The following MYO1F variants were observed in gnomAD, a reference collection of about 807,000 sequenced individuals.
The protein encoded by MYO1F is unconventional myosin-If.
Under a neutral mutation model 146.6 loss-of-function variants are expected in MYO1F, and 60 were observed. The observed-to-expected ratio is 0.41, with a 90% CI of 0.33 to 0.51. The LOEUF is 0.51. MYO1F is among the 20% of genes least tolerant of loss of function. The pLI is 0.25. For missense variants in MYO1F, 1,274 were observed against 1,534.3 expected, an observed-to-expected ratio of 0.83 and a Z score of 2.83; for synonymous variants, 602 against 602.1, an observed-to-expected ratio of 1.00 and a Z score of 0.00.
At position 8,540,065 on chromosome 19, in the gene MYO1F, G is replaced by T. The variant is rs776267777; in HGVS notation, c.1611-37C>A. ...AGGGGAGAGGAGGAGTTGGAGGTAT[G>T]GCTAGACTTTCGGGTACTCTTCCTC... On this transcript the variant is annotated intron_variant, in intron 15 of 27. Coordinates refer to ENST00000644032, the MANE Select transcript of MYO1F (RefSeq NM_012335.4). 14 of 1,564,910 alleles carry T rather than the reference G, an allele frequency of 8.9e-6. No individual in the cohort carries two copies. In the Admixed American group the frequency reaches 2.1e-4, roughly 23 times the overall value.
intron 19 of MYO1F, among the ~76,000 whole-genome samples, chr19:8,535,574 G>T (rs776764087): frequency 2.0e-5 from 3 of 151,878 alleles, no homozygotes; most frequent in Non-Finnish European, 4.4e-5. Context: ...CTGACTTGGT[G>T]CTAGTTTTAT....
Position 8,521,405 on chromosome 19 carries a change from G to T in MYO1F, c.*123C>A. 1 of 1,053,758 alleles carries T rather than the reference G, an allele frequency of 9.5e-7. No individual in the cohort carries two copies. The highest frequency in any genetic ancestry group is 1.3e-5 in the South Asian group (1 of 74,680). The allele number at this position is 1,053,758 out of a possible 1,614,324, so 65.3% of individuals were successfully genotyped here. A position where few individuals can be genotyped will look rare whatever the true frequency, so the allele number is the denominator to read the frequency against. On this transcript the variant is annotated 3_prime_UTR_variant, in exon 28 of 28. Coordinates refer to ENST00000644032, the MANE Select transcript of MYO1F (RefSeq NM_012335.4). ...GGCCTGGGCAGGACTGGAGGCCAAA[G>T]GACTGGACTTTTAGGCTATTGCAGC...
chr19:8,546,316 G>A (rs1438849526), intron 12 of MYO1F, among the ~76,000 whole-genome samples: 10 of 151,262 alleles, frequency 6.6e-5, no homozygotes, highest in Non-Finnish European at 1.3e-4. Flanking sequence ...TGCCCACCTC[G>A]GCCTCCCAAA....
chr19:8,544,039 T>TGGCGGG, intron 14 of MYO1F: 1 of 501,862 alleles, frequency 2.0e-6, no homozygotes, highest in South Asian at 2.1e-5. Context: ...GCGGTGGCGG[T>TGGCGGG]GCTGGTGGTG....
Position 8,530,188 on chromosome 19 carries a change from T to A in MYO1F, c.2328+8A>T, listed in dbSNP as rs764298485. 2 of 1,614,020 alleles carry A rather than the reference T, an allele frequency of 1.2e-6. No homozygotes were observed. The highest frequency in any genetic ancestry group is 4.5e-5 in the East Asian group (2 of 44,886). On this transcript the variant is annotated splice_region_variant and intron_variant, in intron 21 of 27. Coordinates refer to ENST00000644032, the MANE Select transcript of MYO1F (RefSeq NM_012335.4). This position sits in a 1 kb window ranked among gnomAD's most constrained non-coding sequence, Gnocchi z 5.8. ...GGGTCTTGCTGTGCCCACCCACTAGTGCCTCACCTTGAAGCGGCGGTCGTA... is the reference window on the plus strand; with the variant it reads ...GGGTCTTGCTGTGCCCACCCACTAGAGCCTCACCTTGAAGCGGCGGTCGTA...
chr19:8,543,846 G>C (rs557897916), intron 14 of MYO1F, among the ~76,000 whole-genome samples: 2 of 39,120 alleles, frequency 5.1e-5, no homozygotes, highest in South Asian at 1.2e-3. Context: ...GGTGGTGGTG[G>C]TGGTGGTGGT....
intron 19 of MYO1F, among the ~76,000 whole-genome samples, chr19:8,533,992 A>G (rs2145846702): frequency 6.6e-6 from 1 of 152,100 alleles, no homozygotes; most frequent in Middle Eastern, 3.4e-3. Flanking sequence ...CAGCCTGGCC[A>G]ACAGGGTGAA....
At chr19:8,540,948 C>G (rs1972937462) in intron 15 of MYO1F, among the ~76,000 whole-genome samples, 1 of 151,990 alleles carries the variant, frequency 6.6e-6, no homozygotes. Flanking sequence ...GAATCAGATG[C>G]AGATTCTGAT....
intron 1 of MYO1F, among the ~76,000 whole-genome samples, chr19:8,572,990 C>T (rs1368759740): frequency 6.6e-6 from 1 of 152,208 alleles, no homozygotes; most frequent in East Asian, 1.9e-4. Context: ...GCCATTGTTC[C>T]TGGCCCTGTG....
intron 1 of MYO1F, among the ~76,000 whole-genome samples, chr19:8,565,371 C>G (rs938048616): frequency 6.6e-6 from 1 of 151,596 alleles, no homozygotes; most frequent in East Asian, 2.0e-4. Flanking sequence ...GGGGAAACCC[C>G]GTCTCCACTA....
chr19:8,574,763 C>CT (rs1357539569), intron 1 of MYO1F, among the ~76,000 whole-genome samples: 30 of 119,164 alleles, frequency 2.5e-4, no homozygotes, highest in East Asian at 6.8e-4. Context: ...CTCTCTCTTT[C>CT]TTTTTTTTTT....
At chr19:8,535,871 C>T (rs765608547) in intron 19 of MYO1F, among the ~76,000 whole-genome samples, 7 of 151,794 alleles carry the variant, frequency 4.6e-5, no homozygotes, top group South Asian at 2.1e-4. Flanking sequence ...TTAGTAGAGA[C>T]GCGGTTTCAC....
chr19:8,544,596 G>C, intron 13 of MYO1F, 132 bp from the exon 14 acceptor site: 1 of 887,916 alleles, frequency 1.1e-6, no homozygotes, highest in Non-Finnish European at 1.7e-6. Flanking sequence ...GGTGGGGAGG[G>C]CACCAGGGGC....
chr19:8,574,637 C>T (rs2042194120), intron 1 of MYO1F, among the ~76,000 whole-genome samples: 1 of 44,630 alleles, frequency 2.2e-5, no homozygotes, highest in African/African-American at 6.9e-5. Context: ...TTCTTTCTTT[C>T]TTTCTTTCCT....
intron 15 of MYO1F, among the ~76,000 whole-genome samples, chr19:8,540,659 G>A (rs903398945): frequency 6.6e-6 from 1 of 150,384 alleles, no homozygotes; most frequent in Non-Finnish European, 1.5e-5. Flanking sequence ...GCAGTGAGCC[G>A]AGATCGTGCC....
chr19:8,565,130 C>G (rs1427580967), intron 1 of MYO1F, among the ~76,000 whole-genome samples: 4 of 151,994 alleles, frequency 2.6e-5, no homozygotes, highest in Admixed American at 6.6e-5. Flanking sequence ...ACCTCAAGTT[C>G]AAGTGATCCA....
chr19:8,538,154 C>T lies in MYO1F; in HGVS notation c.1693-1099G>A, dbSNP rs149412658. Among the ~76,000 whole-genome samples, 852 of 150,548 alleles carry T rather than the reference C, an allele frequency of 5.7e-3. 8 individuals are homozygous for T. Among genetic ancestry groups the T allele is most frequent in the African/African-American group, 0.02 (821 of 40,970 alleles). ...TTTATATATATATTTTTAGTAGAGA[C>T]GGGGTTTCACCATGTTGGCTGGGCT... On this transcript the variant is annotated intron_variant, in intron 16 of 27. Transcript: ENST00000644032.
At chr19:8,526,687 GC>G in intron 23 of MYO1F, 86 bp from the exon 24 acceptor site, 1 of 1,535,224 alleles carries the variant, frequency 6.5e-7, no homozygotes, top group Admixed American at 2.1e-5. Context: ...GGGCGGGGCC[GC>G]GGCCGGGGCC....
At chr19:8,550,078 C>T in intron 10 of MYO1F, 82 bp downstream of exon 10, 9 of 1,491,318 alleles carry the variant, frequency 6.0e-6, no homozygotes, top group Non-Finnish European at 8.2e-6. Context: ...GGGATTGCAG[C>T]CGTGAGCCAC....
Sources: allele counts gnomAD v4.1 joint callset (sites outside exome capture counted in the v4.1 genomes callset), GRCh38; gene constraint gnomAD v4.1.1; non-coding constraint Gnocchi (gnomAD v3.1); transcripts MANE v1.5; gene names NCBI Gene and HGNC (gene_info 2026-07-23, HGNC 2026-07-21).